Variants in NIPAL2 observed in about 807,000 individuals in gnomAD.
The protein encoded by NIPAL2 is NIPA-like protein 2.
NIPAL2 carries 43 observed loss-of-function variants against 48.9 expected under a neutral mutation model. The observed-to-expected ratio is 0.88, with a 90% CI of 0.69 to 1.13. The LOEUF (loss-of-function observed/expected upper bound fraction) is 1.13. NIPAL2 is among the 50% of genes most tolerant of loss of function. The pLI, the probability that NIPAL2 is intolerant of heterozygous loss-of-function variation, is 0.00. For missense variants in NIPAL2, 446 were observed against 461.4 expected (o/e 0.97, Z 0.31); for synonymous variants, 167 against 174.6 (o/e 0.96, Z 0.34).
intron 1 of NIPAL2, among the ~76,000 whole-genome samples, chr8:98,267,583 G>A (rs1467660120): frequency 6.6e-6 from 1 of 152,058 alleles, no homozygotes; most frequent in East Asian, 1.9e-4. Context: ...GCCTCCTAAA[G>A]TGTTAGGATT....
intron 4 of NIPAL2, among the ~76,000 whole-genome samples, chr8:98,227,537 G>A (rs558473767): frequency 6.6e-6 from 1 of 152,246 alleles, no homozygotes; most frequent in African/African-American, 2.4e-5. Flanking sequence ...AGGGTGTGTC[G>A]AGAAATGTCA....
At chr8:98,235,097 G>T (rs1360877743) in intron 4 of NIPAL2, among the ~76,000 whole-genome samples, 1 of 152,166 alleles carries the variant, frequency 6.6e-6, no homozygotes, top group East Asian at 1.9e-4. Flanking sequence ...AGGGAAACAT[G>T]ATCAGGGAAA....
At chr8:98,255,913 G>T (rs192666868) in intron 1 of NIPAL2, among the ~76,000 whole-genome samples, 2 of 152,168 alleles carry the variant, frequency 1.3e-5, no homozygotes, top group East Asian at 1.9e-4. Flanking sequence ...TTCAGGCTGG[G>T]TATTCAAAAA....
chr8:98,192,437 A>G lies in NIPAL2; in HGVS notation c.*541T>C, dbSNP rs755280922. The G allele has an allele frequency of 1.3e-5, 2 of 152,450 alleles. No homozygotes were observed. Among genetic ancestry groups the G allele is most frequent in the Non-Finnish European group, 2.9e-5 (2 of 68,232 alleles). The allele number at this position is 152,450 out of a possible 1,614,324, so 9.4% of individuals were successfully genotyped here. A position where few individuals can be genotyped will look rare whatever the true frequency, so the allele number is the denominator to read the frequency against. ...AATTTTAAAGAGACCCTTAATTTTC[A>G]AAGGAGGACTTTGATAGCATTAGTT... is the stretch of plus-strand genomic sequence containing the variant. On this transcript the variant is annotated 3_prime_UTR_variant, in exon 11 of 11. Transcript: ENST00000430223.
At chr8:98,258,121 A>G (rs1185362576) in intron 1 of NIPAL2, among the ~76,000 whole-genome samples, 1 of 152,144 alleles carries the variant, frequency 6.6e-6, no homozygotes, top group Admixed American at 6.5e-5. Flanking sequence ...TGCTAAGTGA[A>G]ATCAGCCAAT....
At chr8:98,242,379 G>A (rs1391999720) in intron 3 of NIPAL2, among the ~76,000 whole-genome samples, 9 of 151,826 alleles carry the variant, frequency 5.9e-5, no homozygotes, top group African/African-American at 2.2e-4. Flanking sequence ...TAGAGACAGA[G>A]TCTCACTATG....
At chr8:98,288,705 G>T (rs1321208971) in intron 1 of NIPAL2, among the ~76,000 whole-genome samples, 1 of 151,888 alleles carries the variant, frequency 6.6e-6, no homozygotes, top group African/African-American at 2.4e-5. Flanking sequence ...AGCACCTGTT[G>T]TTTCCTGACT....
intron 3 of NIPAL2, among the ~76,000 whole-genome samples, chr8:98,247,403 G>T (rs1324399543): frequency 6.6e-6 from 1 of 152,182 alleles, no homozygotes; most frequent in Non-Finnish European, 1.5e-5. Flanking sequence ...ACATGAAACA[G>T]GTCATTGTGC....
intron 5 of NIPAL2, chr8:98,217,401 A>G: frequency 2.1e-6 from 2 of 957,208 alleles, no homozygotes; most frequent in Non-Finnish European, 2.5e-6. Flanking sequence ...ATATTTTAGA[A>G]GTTATTTGAT....
intron 4 of NIPAL2, among the ~76,000 whole-genome samples, chr8:98,229,152 G>A (rs534470182): frequency 1.9e-4 from 29 of 152,264 alleles, no homozygotes; most frequent in African/African-American, 6.5e-4. Context: ...GCCCAAACCT[G>A]CAGCAAATAC....
intron 7 of NIPAL2, among the ~76,000 whole-genome samples, chr8:98,204,039 A>G (rs1810920928): frequency 6.6e-6 from 1 of 152,184 alleles, no homozygotes; most frequent in Admixed American, 6.5e-5. Flanking sequence ...ACAGTCGTAC[A>G]GTGTGATGGG....
At chr8:98,193,548 G>C in intron 10 of NIPAL2, 1 of 848,458 alleles carries the variant, frequency 1.2e-6, no homozygotes, top group Non-Finnish European at 2.0e-6. Context: ...GCTCGGTGCA[G>C]TGGCTCACAC....
chr8:98,236,851 C>CAAAAAA (rs34210829), intron 3 of NIPAL2, among the ~76,000 whole-genome samples: 24 of 66,898 alleles, frequency 3.6e-4, no homozygotes, highest in South Asian at 8.0e-4. Context: ...GATCCTGTCT[C>CAAAAAA]AAAAAAAAAA....
intron 1 of NIPAL2, among the ~76,000 whole-genome samples, chr8:98,266,162 T>G (rs1814720126): frequency 7.0e-6 from 1 of 143,148 alleles, no homozygotes; most frequent in Non-Finnish European, 1.5e-5. Flanking sequence ...GGGATAGCAT[T>G]GGGAGATATG....
At chr8:98,209,512 G>A (rs12542608) in intron 6 of NIPAL2, among the ~76,000 whole-genome samples, 17,459 of 150,772 alleles carry the variant, frequency 0.12, 1,254 homozygotes, top group Middle Eastern at 0.16. Context: ...CAGCTACTCA[G>A]GAGGCTGAGG....
At chr8:98,247,569 C>G (rs1233034344) in intron 3 of NIPAL2, among the ~76,000 whole-genome samples, 1 of 152,204 alleles carries the variant, frequency 6.6e-6, no homozygotes, top group African/African-American at 2.4e-5. Context: ...CAGCACAATT[C>G]TCTGACAGAT....
intron 4 of NIPAL2, among the ~76,000 whole-genome samples, chr8:98,230,227 C>A (rs1243035461): frequency 6.6e-6 from 1 of 152,174 alleles, no homozygotes; most frequent in African/African-American, 2.4e-5. Context: ...CAGAGCACAA[C>A]CTGAGGCCAT....
intron 1 of NIPAL2, among the ~76,000 whole-genome samples, chr8:98,282,765 G>C (rs1266389838): frequency 3.3e-5 from 5 of 152,306 alleles, no homozygotes; most frequent in Admixed American, 3.3e-4. Flanking sequence ...AGATTACTGG[G>C]TGGGTTGTGC....
chr8:98,194,126 C>A (rs555281217), intron 10 of NIPAL2, among the ~76,000 whole-genome samples: 1 of 150,918 alleles, frequency 6.6e-6, no homozygotes, highest in Non-Finnish European at 1.5e-5. Context: ...GTGCTGAGGG[C>A]GGGTGGACAG....
Sources: gnomAD v4.1 joint callset for allele counts (sites outside exome capture counted in the v4.1 genomes callset) on GRCh38, gnomAD v4.1.1 for gene constraint, MANE v1.5 for transcripts, NCBI Gene and HGNC (gene_info 2026-07-23, HGNC 2026-07-21) for gene names.